Variants in HIVEP1 observed in about 807,000 individuals in gnomAD.
HIVEP1 encodes zinc finger protein 40.
A neutral mutation model predicts 180.0 loss-of-function variants in HIVEP1; 36 were observed. The observed-to-expected ratio is 0.20, with a 90% CI of 0.15 to 0.26. HIVEP1 has a LOEUF of 0.26. HIVEP1 is among the 10% of genes least tolerant of loss of function. The pLI, the probability that HIVEP1 is intolerant of heterozygous loss-of-function variation, is 1.00. For missense variants in HIVEP1, 3,143 were observed against 3,268.7 expected, an observed-to-expected ratio of 0.96 and a Z score of 0.94; for synonymous variants, 1,239 against 1,239.0, an observed-to-expected ratio of 1.00 and a Z score of 0.00.
At position 12,121,312 on chromosome 6, in the gene HIVEP1, A is replaced by G; in HGVS notation, c.1517A>G (p.His506Arg). ...GAAGGCGCCACTGATGAGAGACAGC[A>G]TGACCTGGGCGCCATGGAGCTGCAG... The part of the protein sequence containing the change: ...EEEGATDERQ[H>R]DLGAMELQPV... The change falls in exon 4 of 9, where the codon CAT (histidine) becomes CGT (arginine). Residue 506 changes from histidine to arginine, a missense_variant. His to Arg is a conservative substitution (Grantham distance 29, BLOSUM62 0). This residue lies in a region of HIVEP1 where 365 missense variants were observed against 344.4 expected (regional missense o/e 1.06). Transcript: ENST00000379388. The surrounding 1 kb of genome is among the most constrained non-coding windows in gnomAD (Gnocchi z 5.3). 4 of 1,614,200 alleles carry G rather than the reference A, an allele frequency of 2.5e-6. No homozygotes were observed. The highest frequency in any genetic ancestry group is 2.2e-5 in the East Asian group (1 of 44,888).
intron 2 of HIVEP1, among the ~76,000 whole-genome samples, chr6:12,050,221 C>T (rs1186200711): frequency 6.6e-6 from 1 of 152,208 alleles, no homozygotes; most frequent in Admixed American, 6.5e-5. Context: ...CTCTACTTGC[C>T]AGATAAGCCT....
At chr6:12,014,375 T>C (rs900823575) in intron 1 of HIVEP1, among the ~76,000 whole-genome samples, 1 of 151,478 alleles carries the variant, frequency 6.6e-6, no homozygotes, top group Non-Finnish European at 1.5e-5. Context: ...ACTTATCCAA[T>C]TTTTTTTTAA....
intron 3 of HIVEP1, among the ~76,000 whole-genome samples, chr6:12,105,347 G>A (rs1304504896): frequency 2.0e-5 from 3 of 152,160 alleles, no homozygotes; most frequent in Non-Finnish European, 2.9e-5. Context: ...CCTTTAGATT[G>A]TCAGAACCGC....
the HIVEP1 span, among the ~76,000 whole-genome samples, chr6:12,177,357 A>G: frequency 6.6e-6 from 1 of 152,214 alleles, no homozygotes; most frequent in East Asian, 1.9e-4. Flanking sequence ...GGCCATGTTC[A>G]TGGTAGCTAC....
At chr6:12,032,103 C>G (rs929489305) in intron 2 of HIVEP1, among the ~76,000 whole-genome samples, 1 of 151,754 alleles carries the variant, frequency 6.6e-6, no homozygotes, top group East Asian at 1.9e-4. Flanking sequence ...TATTTAAAAT[C>G]CCTACTACTG....
At chr6:12,175,595 C>T in the HIVEP1 span, among the ~76,000 whole-genome samples, 1 of 152,034 alleles carries the variant, frequency 6.6e-6, no homozygotes, top group Non-Finnish European at 1.5e-5. Context: ...TGACTATGTT[C>T]AAAACCACTT....
Position 12,125,686 on chromosome 6 carries a change from C to T in HIVEP1, c.5891C>T (p.Ala1964Val). 6.2e-7 allele frequency: 1 copy of T among 1,614,210 alleles called. No homozygotes were observed. The highest frequency in any genetic ancestry group is 2.2e-5 in the East Asian group (1 of 44,882). Residue 1964 changes from alanine (A) to valine (V), a missense_variant, in exon 4 of 9, where the codon GCC becomes GTC. By Grantham distance (64) the Ala-to-Val change is moderately conservative. Coordinates refer to ENST00000379388, the MANE Select transcript of HIVEP1 (RefSeq NM_002114.4). ...HLPQKDQKTS[A>V]YTDWTVSASN... is the part of the protein sequence containing the mutation. ...CCTCAGAAGGACCAGAAAACTTCAG[C>T]CTATACTGATTGGACAGTAAGCGCC... is the stretch of plus-strand genomic sequence containing the variant.
intron 2 of HIVEP1, among the ~76,000 whole-genome samples, chr6:12,082,492 T>C (rs1772850069): frequency 6.6e-6 from 1 of 152,112 alleles, no homozygotes; most frequent in Non-Finnish European, 1.5e-5. Flanking sequence ...TTCTAAGATC[T>C]TGATACCCGC....
the HIVEP1 span, among the ~76,000 whole-genome samples, chr6:12,204,574 G>T: frequency 6.6e-6 from 1 of 152,066 alleles, no homozygotes; most frequent in South Asian, 2.1e-4. Flanking sequence ...AGTAACTTCT[G>T]GTTTCCACAC....
intron 2 of HIVEP1, among the ~76,000 whole-genome samples, chr6:12,031,022 C>T (rs906261547): frequency 1.9e-4 from 29 of 149,036 alleles, no homozygotes; most frequent in African/African-American, 6.0e-4. Flanking sequence ...GGTTTGCTTT[C>T]GTTTGTTTGT....
rs533908801 is a variant in HIVEP1, at chr6:12,103,153, T to G, written c.94+13916T>G. 4.0e-5 allele frequency among the ~76,000 whole-genome samples: 6 copies of G among 150,884 alleles called. No individual in the cohort carries two copies. The South Asian group carries it at 1.3e-3, about 32-fold the overall frequency. The stretch of plus-strand genomic sequence containing the variant: ...TGGTGTAGCCATTTTGTCCTAGTAT[T>G]GCAATTGCAACCAGCGATGGTGTTG... On this transcript the variant is annotated intron_variant, in intron 3 of 8. Transcript: ENST00000379388.
At chr6:12,032,323 T>A (rs1392595379) in intron 2 of HIVEP1, among the ~76,000 whole-genome samples, 1 of 151,974 alleles carries the variant, frequency 6.6e-6, no homozygotes, top group Non-Finnish European at 1.5e-5. Context: ...TATTTTTTTT[T>A]AGTAGAGACA....
intron 6 of HIVEP1, among the ~76,000 whole-genome samples, chr6:12,133,630 A>G (rs192362137): frequency 1.3e-3 from 193 of 152,362 alleles, no homozygotes; most frequent in African/African-American, 4.4e-3. Flanking sequence ...TTACAATTAT[A>G]CATTAGTTTC....
intron 7 of HIVEP1, among the ~76,000 whole-genome samples, chr6:12,161,096 G>A (rs1428802868): frequency 1.3e-5 from 2 of 152,198 alleles, no homozygotes; most frequent in Admixed American, 6.5e-5. Flanking sequence ...AATTTTATAT[G>A]TAGTTCAGTT....
intron 2 of HIVEP1, among the ~76,000 whole-genome samples, chr6:12,070,410 G>A (rs140982247): frequency 2.0e-5 from 3 of 152,066 alleles, no homozygotes; most frequent in African/African-American, 7.2e-5. Context: ...TTTTTCGGCC[G>A]GGTGCGGTGG....
the HIVEP1 span, among the ~76,000 whole-genome samples, chr6:12,171,091 A>G: frequency 6.6e-6 from 1 of 152,248 alleles, no homozygotes; most frequent in Non-Finnish European, 1.5e-5. Context: ...TGGCACTTGG[A>G]TTGAAAATTT....
At chr6:12,139,670 C>T (rs978742083) in intron 7 of HIVEP1, among the ~76,000 whole-genome samples, 2 of 152,390 alleles carry the variant, frequency 1.3e-5, no homozygotes, top group Non-Finnish European at 1.5e-5. Flanking sequence ...GCAAATGGCA[C>T]ACCAGAAGAT....
At chr6:12,065,443 A>G (rs1003913767) in intron 2 of HIVEP1, among the ~76,000 whole-genome samples, 2 of 152,188 alleles carry the variant, frequency 1.3e-5, no homozygotes. Flanking sequence ...TCACACATGA[A>G]AGATGAGAAG....
chr6:12,190,079 T>C, the HIVEP1 span, among the ~76,000 whole-genome samples: 3 of 152,326 alleles, frequency 2.0e-5, no homozygotes, highest in East Asian at 1.9e-4. Flanking sequence ...AAACTATAAA[T>C]ATGTATGCAC....
Sources: allele counts gnomAD v4.1 joint callset (sites outside exome capture counted in the v4.1 genomes callset), GRCh38; gene constraint gnomAD v4.1.1; regional missense constraint gnomAD v4.1.1; non-coding constraint Gnocchi (gnomAD v3.1); transcripts MANE v1.5; gene names NCBI Gene and HGNC (gene_info 2026-07-23, HGNC 2026-07-21).